The following RAPGEF2 variants were observed in gnomAD, a reference collection of about 807,000 sequenced individuals.
The protein encoded by RAPGEF2 is PDZ domain containing guanine nucleotide exchange factor (GEF) 1.
A neutral mutation model predicts 186.7 loss-of-function variants in RAPGEF2; 54 were observed. That is an observed-to-expected ratio of 0.29 (90% CI 0.23 to 0.36). RAPGEF2 has a LOEUF of 0.36. Ranked by LOEUF, RAPGEF2 falls within the 10% of genes least tolerant of loss-of-function variation. RAPGEF2 has a pLI of 1.00. For synonymous variants in RAPGEF2, 712 were observed against 705.9 expected (o/e 1.01, Z -0.14); for missense variants, 1,532 against 2,045.0 (o/e 0.75, Z 4.84).
intron 13 of RAPGEF2, 81 bp downstream of exon 13, chr4:159,330,579 A>T: frequency 9.8e-7 from 1 of 1,020,156 alleles, no homozygotes; most frequent in Non-Finnish European, 1.4e-6. Flanking sequence ...TGTCACAGCA[A>T]TTATGTCCAG....
intron 7 of RAPGEF2, among the ~76,000 whole-genome samples, chr4:159,292,905 A>G (rs900359811): frequency 2.6e-5 from 4 of 152,184 alleles, no homozygotes; most frequent in South Asian, 2.1e-4. Context: ...TCTTTGGTTC[A>G]TAAGATAATC....
At chr4:159,140,872 C>T (rs889452262) in intron 1 of RAPGEF2, among the ~76,000 whole-genome samples, 2 of 151,656 alleles carry the variant, frequency 1.3e-5, no homozygotes, top group Admixed American at 1.3e-4. Context: ...CACTCTGTCG[C>T]CCAGGCTGGA....
At chr4:159,267,961 G>A (rs112385041) in intron 7 of RAPGEF2, 26 of 1,371,110 alleles carry the variant, frequency 1.9e-5, no homozygotes, top group Middle Eastern at 2.7e-4. Context: ...ACTGTTGTTC[G>A]GATTCCTTTT....
chr4:159,220,488 C>G (rs1751427402), intron 4 of RAPGEF2, among the ~76,000 whole-genome samples: 1 of 152,188 alleles, frequency 6.6e-6, no homozygotes, highest in African/African-American at 2.4e-5. Context: ...TGATTTCCTG[C>G]TGCCAAACAT....
At chr4:159,234,460 G>A (rs1251071350) in intron 4 of RAPGEF2, among the ~76,000 whole-genome samples, 2 of 151,888 alleles carry the variant, frequency 1.3e-5, no homozygotes, top group Non-Finnish European at 2.9e-5. Context: ...TCGTCTCACC[G>A]CAACCTCTGC....
chr4:159,128,161 C>G (rs142076162), intron 1 of RAPGEF2, among the ~76,000 whole-genome samples: 385 of 152,006 alleles, frequency 2.5e-3, no homozygotes, highest in African/African-American at 8.8e-3. Flanking sequence ...TAGTAAAATC[C>G]AAGAAGAAAA....
intron 8 of RAPGEF2, among the ~76,000 whole-genome samples, chr4:159,308,772 CTGTTT>C (rs1763608749): frequency 6.6e-6 from 1 of 152,166 alleles, no homozygotes; most frequent in South Asian, 2.1e-4. Context: ...AAACATTCTT[CTGTTT>C]TAACAGGAAC....
intron 9 of RAPGEF2, among the ~76,000 whole-genome samples, chr4:159,316,068 C>T (rs770486846): frequency 4.0e-4 from 61 of 152,230 alleles, no homozygotes; most frequent in Middle Eastern, 3.4e-3. Context: ...GACCATGGTC[C>T]GCCTGGCAAC....
At chr4:159,214,576 A>G (rs1750829590) in intron 4 of RAPGEF2, among the ~76,000 whole-genome samples, 2 of 152,212 alleles carry the variant, frequency 1.3e-5, no homozygotes, top group South Asian at 4.1e-4. Flanking sequence ...TTTGTCTAAA[A>G]TTACCCCATT....
chr4:159,198,328 TTCTTTCTTTTTC>T (rs1463199340), intron 3 of RAPGEF2, among the ~76,000 whole-genome samples: 2 of 76,672 alleles, frequency 2.6e-5, no homozygotes, highest in African/African-American at 1.0e-4. Flanking sequence ...CTTTCTTTCT[TTCTTTCTTTTTC>T]TTTCTCTCTC....
At chr4:159,186,605 A>G in intron 1 of RAPGEF2, 37 bp from the exon 2 acceptor site, 1 of 1,130,356 alleles carries the variant, frequency 8.8e-7, no homozygotes, top group Non-Finnish European at 1.2e-6. Flanking sequence ...CCTTTTCCTG[A>G]CAGGTCTAAT....
intron 4 of RAPGEF2, among the ~76,000 whole-genome samples, chr4:159,211,267 A>G (rs917035387): frequency 3.3e-5 from 5 of 152,188 alleles, no homozygotes; most frequent in African/African-American, 1.2e-4. Flanking sequence ...AGCTGTGGCC[A>G]GAAAGGGTTA....
intron 3 of RAPGEF2, among the ~76,000 whole-genome samples, chr4:159,198,324 TTCTTTCTTTCTTTTTCTTTCTC>T (rs1749009473): frequency 4.6e-5 from 3 of 65,242 alleles, no homozygotes; most frequent in African/African-American, 2.1e-4. Context: ...CTTTCTTTCT[TTCTTTCTTTCTTTTTCTTTCTC>T]TCTCTTTCCT....
At chr4:159,327,757 A>G (rs1373839365) in intron 11 of RAPGEF2, 2 of 152,286 alleles carry the variant, frequency 1.3e-5, no homozygotes, top group South Asian at 2.1e-4. Flanking sequence ...TTGTTATAGC[A>G]AAAATAAGTT....
At chr4:159,260,037 G>A (rs1756623525) in intron 7 of RAPGEF2, among the ~76,000 whole-genome samples, 1 of 152,046 alleles carries the variant, frequency 6.6e-6, no homozygotes, top group Non-Finnish European at 1.5e-5. Context: ...TCACTCAGTT[G>A]CCCAGGCTAG....
At chr4:159,315,110 A>G (rs1579902652) in intron 9 of RAPGEF2, among the ~76,000 whole-genome samples, 2 of 151,400 alleles carry the variant, frequency 1.3e-5, no homozygotes, top group African/African-American at 4.8e-5. Flanking sequence ...CACTGTTTTT[A>G]TTAAGCTCAT....
intron 1 of RAPGEF2, among the ~76,000 whole-genome samples, chr4:159,177,262 A>C (rs201779138): frequency 6.6e-6 from 1 of 150,910 alleles, no homozygotes; most frequent in East Asian, 1.9e-4. Flanking sequence ...AGGATACATT[A>C]ATTTGTAAAA....
chr4:159,132,204 A>G (rs1271774921), intron 1 of RAPGEF2, among the ~76,000 whole-genome samples: 1 of 152,206 alleles, frequency 6.6e-6, no homozygotes, highest in Non-Finnish European at 1.5e-5. Context: ...GCACAGAAGT[A>G]CGTTATCTTC....
chr4:159,168,887 G>A (rs1163009242), intron 1 of RAPGEF2, among the ~76,000 whole-genome samples: 2 of 152,218 alleles, frequency 1.3e-5, no homozygotes, highest in Non-Finnish European at 2.9e-5. Context: ...TCAGCTGGCA[G>A]CAGTGGTAGA....
Sources: gnomAD v4.1 joint callset for allele counts (sites outside exome capture counted in the v4.1 genomes callset) on GRCh38, gnomAD v4.1.1 for gene constraint, MANE v1.5 for transcripts, NCBI Gene and HGNC (gene_info 2026-07-23, HGNC 2026-07-21) for gene names.